Variants in MYH3 observed in about 807,000 individuals in gnomAD.
MYH3 encodes myosin-3.
A neutral mutation model predicts 238.0 loss-of-function variants in MYH3; 130 were observed. That is an observed-to-expected ratio of 0.55 (90% confidence interval 0.47 to 0.63). The LOEUF is 0.63. MYH3 is among the 30% of genes least tolerant of loss of function. MYH3 has a pLI of 0.00. For missense variants in MYH3, 1,853 were observed against 2,374.9 expected (o/e 0.78, Z 4.57); for synonymous variants, 880 against 924.1 (o/e 0.95, Z 0.86).
At chr17:10,652,151 C>G in intron 4 of MYH3, 1 of 520,338 alleles carries the variant, frequency 1.9e-6, no homozygotes, top group South Asian at 2.0e-5. Context: ...GCGACCCTCC[C>G]ACAGTTGGTA....
chr17:10,633,029 T>C (rs2074180586), intron 33 of MYH3, among the ~76,000 whole-genome samples: 1 of 152,168 alleles, frequency 6.6e-6, no homozygotes, highest in African/African-American at 2.4e-5. Context: ...CTGACCAATG[T>C]AGTGAAACCC....
chr17:10,638,085 G>C lies in MYH3; in HGVS notation c.3687C>G (p.Ile1229Met), dbSNP rs778389007. Residue 1229 changes from isoleucine to methionine, a missense_variant, in exon 27 of 41, where the codon ATC (isoleucine) becomes ATG (methionine). Coordinates refer to ENST00000583535, the MANE Select transcript of MYH3 (RefSeq NM_002470.4). ...EKEKSEFKLE[I>M]DDLSSSMESV... The stretch of plus-strand genomic sequence containing the variant: ...TCTCCATGCTGCTGGAGAGGTCATC[G>C]ATCTCCAGCTTGAACTCGCTCTTCT... 9 of 1,613,520 alleles carry C rather than the reference G, an allele frequency of 5.6e-6. No individual in the cohort carries two copies. Among genetic ancestry groups the C allele is most frequent in the Non-Finnish European group, 7.6e-6 (9 of 1,179,974 alleles).
At chr17:10,632,126 GTT>G (rs2074168603) in intron 34 of MYH3, 110 bp from the exon 35 acceptor site, 2 of 1,355,354 alleles carry the variant, frequency 1.5e-6, no homozygotes, top group Non-Finnish European at 2.0e-6. Flanking sequence ...GTTTTGTTTT[GTT>G]TTGTTTGTTT....
At chr17:10,637,722 A>C in intron 28 of MYH3, 87 bp downstream of exon 28, 1 of 1,576,522 alleles carries the variant, frequency 6.3e-7, no homozygotes, top group Non-Finnish European at 8.7e-7. Flanking sequence ...ATTCTCCCTC[A>C]AACACACCCT....
At chr17:10,648,156 C>T (rs577084481) in intron 8 of MYH3, among the ~76,000 whole-genome samples, 6 of 152,258 alleles carry the variant, frequency 3.9e-5, no homozygotes, top group African/African-American at 1.4e-4. Flanking sequence ...ACTGGCCCCC[C>T]TGCCCTCCTC....
chr17:10,639,510 T>A, intron 23 of MYH3, 36 bp from the exon 24 acceptor site: 1 of 1,614,044 alleles, frequency 6.2e-7, no homozygotes, highest in Non-Finnish European at 8.5e-7. Flanking sequence ...AAGCTTAAAG[T>A]TTAGTTTGCA....
In MYH3 at chr17:10,630,122, A is replaced by T; in HGVS notation, c.5532T>A (p.Tyr1844Ter). Residue 1844 changes from tyrosine to a stop codon, truncating the protein, a stop_gained, in exon 38 of 41, where the codon TAT becomes TAA. Coordinates refer to ENST00000583535, the MANE Select transcript of MYH3 (RefSeq NM_002470.4). LOFTEE classifies it high-confidence loss of function. ...NTESVKGLRKYERRVKELTYQ... is the reference protein window; with the variant it reads ...NTESVKGLRK ...ACGTCAGCTCCTTGACCCTCCGCTC[A>T]TACTTCCTCAGGCCCTTAACAGACT... is the stretch of plus-strand genomic sequence containing the variant. 3.1e-6 allele frequency: 5 copies of T among 1,614,130 alleles called. No individual in the cohort carries two copies. The highest frequency in any genetic ancestry group is 4.2e-6 in the Non-Finnish European group (5 of 1,180,036).
intron 8 of MYH3, 132 bp downstream of exon 8, chr17:10,648,425 T>G (rs1243073747): frequency 1.2e-6 from 1 of 809,802 alleles, no homozygotes; most frequent in Non-Finnish European, 2.2e-6. Flanking sequence ...TATCTTTATC[T>G]GAAATGGTCT....
chr17:10,635,877 C>A, intron 28 of MYH3, 24 bp from the exon 29 acceptor site: 1 of 1,586,066 alleles, frequency 6.3e-7, no homozygotes, highest in South Asian at 1.1e-5. Context: ...GAAATAGTTT[C>A]ATTTCATTTA....
At chr17:10,661,938 G>T (rs922970433), upstream of MYH3, among the ~76,000 whole-genome samples, 13 of 152,090 alleles carry the variant, frequency 8.5e-5, no homozygotes, top group African/African-American at 3.1e-4. Flanking sequence ...GTCTCAAGAA[G>T]AAATTCAAGA....
rs774559841 is a variant in MYH3 at position 10,639,479 on chromosome 17, G to C, written c.2926-5C>G. 1 of 1,614,054 alleles carries C rather than the reference G, an allele frequency of 6.2e-7. No homozygotes were observed. Among genetic ancestry groups the C allele is most frequent in the Admixed American group, 1.7e-5 (1 of 59,994 alleles). On this transcript the variant is annotated splice_polypyrimidine_tract_variant and splice_region_variant and intron_variant, in intron 23 of 40. Transcript: ENST00000583535. The stretch of plus-strand genomic sequence containing the variant: ...TTCCTCAGTAAGGTTTTTAACCTAA[G>C]AAGAATTCGCAAGCAATTATAAGCT...
At chr17:10,671,826 G>A in the MYH3 span, among the ~76,000 whole-genome samples, 3 of 151,990 alleles carry the variant, frequency 2.0e-5, no homozygotes, top group African/African-American at 4.8e-5. Flanking sequence ...TGATCCGCCC[G>A]CCTCAGCCTC....
the MYH3 span, among the ~76,000 whole-genome samples, chr17:10,665,908 A>G: frequency 6.6e-6 from 1 of 152,362 alleles, no homozygotes; most frequent in African/African-American, 2.4e-5. Context: ...ATGAAGAGAC[A>G]GACTGACCAG....
At position 10,655,035 on chromosome 17, in the gene MYH3, G is replaced by A. The variant is rs201428362; in HGVS notation, c.30C>T (p.Phe10=). 3.2e-5 allele frequency: 51 copies of A among 1,614,152 alleles called. No homozygotes were observed. Among genetic ancestry groups the A allele is most frequent in the South Asian group, 1.2e-4 (11 of 91,080 alleles). MSSDTEMEV[F]GIAAPFLRKS... Reference sequence around the variant, plus strand: ...TCCGGAGGAAAGGAGCAGCTATGCCGAACACTTCCATTTCAGTGTCACTAC... The same window carrying A: ...TCCGGAGGAAAGGAGCAGCTATGCCAAACACTTCCATTTCAGTGTCACTAC... The change falls in exon 3 of 41, where the codon TTC becomes TTT. Residue 10 remains phenylalanine (F), a synonymous_variant. Coordinates refer to ENST00000583535, the MANE Select transcript of MYH3 (RefSeq NM_002470.4).
chr17:10,649,449 T>G (rs1316272201), intron 7 of MYH3, 128 bp downstream of exon 7: 1 of 798,796 alleles, frequency 1.3e-6, no homozygotes, highest in Non-Finnish European at 2.2e-6. Context: ...TCCTTCAAGA[T>G]AGTAAATCCT....
At chr17:10,631,104 T>C (rs570277624) in intron 36 of MYH3, among the ~76,000 whole-genome samples, 3 of 152,348 alleles carry the variant, frequency 2.0e-5, no homozygotes, top group South Asian at 2.1e-4. Flanking sequence ...TCAAAGGAGC[T>C]TGAGACTTAG....
chr17:10,670,013 G>A, the MYH3 span, among the ~76,000 whole-genome samples: 2 of 152,176 alleles, frequency 1.3e-5, 1 homozygote, highest in Admixed American at 1.3e-4. This position sits in a 1 kb window ranked among gnomAD's most constrained non-coding sequence, Gnocchi z 7.0. Context: ...CAAAGCACTG[G>A]CTTTATCTCA....
At chr17:10,660,652 G>A (rs1179268121), upstream of MYH3, among the ~76,000 whole-genome samples, 1 of 149,922 alleles carries the variant, frequency 6.7e-6, no homozygotes, top group Non-Finnish European at 1.5e-5. Flanking sequence ...ACTCCAGGCT[G>A]GGCGACAGAG....
upstream of MYH3, among the ~76,000 whole-genome samples, chr17:10,659,547 C>T (rs2074465774): frequency 6.6e-6 from 1 of 152,214 alleles, no homozygotes; most frequent in South Asian, 2.1e-4. Flanking sequence ...AGGCACAGAA[C>T]CCAGAACTTC....
Sources: allele counts gnomAD v4.1 joint callset (sites outside exome capture counted in the v4.1 genomes callset), GRCh38; gene constraint gnomAD v4.1.1; non-coding constraint Gnocchi (gnomAD v3.1); transcripts MANE v1.5; gene names NCBI Gene and HGNC (gene_info 2026-07-23, HGNC 2026-07-21).